The following HSP90AA1 variants were observed in gnomAD, a reference collection of about 807,000 sequenced individuals.
The protein encoded by HSP90AA1 is heat shock protein HSP 90-alpha.
HSP90AA1 carries 18 observed loss-of-function variants against 73.3 expected under a neutral mutation model. That is an observed-to-expected ratio of 0.25 (90% CI 0.17 to 0.36). The LOEUF is 0.36. Among genes scored for constraint, HSP90AA1 ranks in the 10% least tolerant of loss-of-function variants. The probability of loss-of-function intolerance (pLI) is 1.00; values close to 1 mark genes in which losing one functional copy is unlikely to be tolerated. For synonymous variants in HSP90AA1, 477 were observed against 296.9 expected (o/e 1.61, Z -6.24); for missense variants, 704 against 874.2 (o/e 0.81, Z 2.45).
chr14:102,120,272 T>C (rs1211436012), intron 1 of HSP90AA1, among the ~76,000 whole-genome samples: 1 of 152,026 alleles, frequency 6.6e-6, no homozygotes, highest in Non-Finnish European at 1.5e-5. Context: ...GGTGGGAGGA[T>C]CACTTGAGCT....
upstream of HSP90AA1, among the ~76,000 whole-genome samples, chr14:102,090,658 A>G (rs1041885304): frequency 2.7e-4 from 41 of 152,254 alleles, no homozygotes; most frequent in Middle Eastern, 3.4e-3. Context: ...TCACCGTGTT[A>G]GCCAGGATGG....
rs1383105807 is a variant in HSP90AA1 at position 102,080,778 on chromosome 14, T to TA, written c.*933dup. 4.6e-6 allele frequency: 1 copy of TA among 217,718 alleles called. No individual in the cohort carries two copies. Among genetic ancestry groups the TA allele is most frequent in the African/African-American group, 2.2e-5 (1 of 44,528 alleles). 13.5% of individuals were successfully genotyped at this position (217,718 alleles called of 1,614,324 possible). ...AAGTGACTGTATTTAACACAGAAGGTATTCCATGAATAACATCAAAACAAC... is the reference window on the plus strand; with the variant it reads ...AAGTGACTGTATTTAACACAGAAGGTAATTCCATGAATAACATCAAAACAAC... On this transcript the variant is annotated 3_prime_UTR_variant, in exon 11 of 11. Coordinates refer to ENST00000216281, the MANE Select transcript of HSP90AA1 (RefSeq NM_005348.4).
intron 1 of HSP90AA1, among the ~76,000 whole-genome samples, chr14:102,127,654 T>C (rs1277335193): frequency 1.3e-5 from 2 of 152,118 alleles, no homozygotes; most frequent in Non-Finnish European, 1.5e-5. Flanking sequence ...ATTATATATA[T>C]ACACATACAT....
In HSP90AA1 at chr14:102,081,586, C is replaced by T. The variant is rs2049099646; in HGVS notation, c.*126G>A. 7.2e-6 allele frequency: 5 copies of T among 694,740 alleles called. No homozygotes were observed. Among genetic ancestry groups the T allele is most frequent in the South Asian group, 3.1e-5 (2 of 64,650 alleles). The allele number at this position is 694,740 out of a possible 1,614,324, so 43.0% of individuals were successfully genotyped here. On this transcript the variant is annotated 3_prime_UTR_variant, in exon 11 of 11. Transcript: ENST00000216281. The stretch of plus-strand genomic sequence containing the variant: ...TAGTAGACAGAAATCTTATCTTCCC[C>T]TTAAAGTAGTTGTCATGCCATACAG...
intron 1 of HSP90AA1, among the ~76,000 whole-genome samples, chr14:102,112,421 G>C (rs952631752): frequency 6.6e-5 from 10 of 152,198 alleles, no homozygotes; most frequent in African/African-American, 2.4e-4. Flanking sequence ...TGATCTGCCT[G>C]TCTCAGCCTC....
At chr14:102,097,381 G>A (rs1490815618) in intron 2 of HSP90AA1, among the ~76,000 whole-genome samples, 2 of 151,902 alleles carry the variant, frequency 1.3e-5, no homozygotes, top group African/African-American at 4.8e-5. Context: ...GAGAGCCAGG[G>A]ATTGTGGATT....
chr14:102,098,954 A>G (rs2049459959), intron 2 of HSP90AA1, among the ~76,000 whole-genome samples: 1 of 152,238 alleles, frequency 6.6e-6, no homozygotes. Flanking sequence ...GTAGAAGTGG[A>G]TTATTAAGTA....
chr14:102,086,517 CTGACAA>C, intron 1 of HSP90AA1, 139 bp from the exon 2 acceptor site: 1 of 985,558 alleles, frequency 1.0e-6, no homozygotes. Flanking sequence ...AGAAGGGCGG[CTGACAA>C]AGGATGACCT....
At chr14:102,139,737 C>A, upstream of HSP90AA1, 2 of 876,266 alleles carry the variant, frequency 2.3e-6, no homozygotes, top group Non-Finnish European at 3.4e-6. Flanking sequence ...CAGGTGAGCA[C>A]GCCTGCGCAG....
chr14:102,109,522 C>A (rs1206445810), intron 1 of HSP90AA1, among the ~76,000 whole-genome samples: 3 of 152,190 alleles, frequency 2.0e-5, no homozygotes, highest in Non-Finnish European at 4.4e-5. Flanking sequence ...TGCTGCCATA[C>A]ATGTAAGACA....
At chr14:102,133,672 G>C (rs972331966) in intron 1 of HSP90AA1, among the ~76,000 whole-genome samples, 25 of 151,836 alleles carry the variant, frequency 1.6e-4, no homozygotes, top group African/African-American at 6.0e-4. Flanking sequence ...CAGTAGAGAC[G>C]GGGTTTCTCC....
At chr14:102,089,467 C>T (rs866561097), upstream of HSP90AA1, among the ~76,000 whole-genome samples, 46 of 152,296 alleles carry the variant, frequency 3.0e-4, no homozygotes, top group African/African-American at 9.4e-4. Flanking sequence ...CCACCAGGTG[C>T]GAACTCTGTA....
intron 2 of HSP90AA1, among the ~76,000 whole-genome samples, chr14:102,100,855 A>G (rs1250330811): frequency 6.6e-6 from 1 of 152,158 alleles, no homozygotes; most frequent in South Asian, 2.1e-4. Flanking sequence ...ATGTACTTCA[A>G]TTTCCTCATC....
chr14:102,084,359 T>C (rs759209040), intron 6 of HSP90AA1, 40 bp downstream of exon 6: 1 of 1,579,528 alleles, frequency 6.3e-7, no homozygotes, highest in Non-Finnish European at 8.7e-7. Context: ...AAGTACTTCT[T>C]TAATCAGTGA....
intron 1 of HSP90AA1, among the ~76,000 whole-genome samples, chr14:102,136,914 A>G (rs1430322483): frequency 1.4e-5 from 2 of 147,156 alleles, no homozygotes; most frequent in African/African-American, 5.0e-5. Flanking sequence ...ACAAAAAAAA[A>G]AGAAATACCT....
chr14:102,137,341 C>T (rs1203412323), intron 1 of HSP90AA1, among the ~76,000 whole-genome samples: 1 of 151,240 alleles, frequency 6.6e-6, no homozygotes, highest in Non-Finnish European at 1.5e-5. Flanking sequence ...TTATTTATTT[C>T]CTGAGATGGA....
chr14:102,085,369 A>C lies in HSP90AA1; in HGVS notation c.592T>G (p.Leu198Val). ...LHLKEDQTEY[L>V]EERRIKEIVK... ...ATCTCCTTTATTCTTCGTTCCTCCA[A>C]GTACTCAGTTTGGTCTTCTTTCAGG... The change falls in exon 4 of 11, where the codon TTG (leucine) becomes GTG (valine). Residue 198 changes from leucine to valine, a missense_variant. Coordinates refer to ENST00000216281, the MANE Select transcript of HSP90AA1 (RefSeq NM_005348.4). The C allele has an allele frequency of 6.2e-7, 1 of 1,613,112 alleles. No individual in the cohort carries two copies. Among genetic ancestry groups the C allele is most frequent in the South Asian group, 1.1e-5 (1 of 91,056 alleles).
At chr14:102,115,506 G>A (rs778312445) in intron 1 of HSP90AA1, among the ~76,000 whole-genome samples, 21 of 152,056 alleles carry the variant, frequency 1.4e-4, no homozygotes, top group Non-Finnish European at 1.9e-4. Context: ...TCTCTGTTGC[G>A]CTTGTAACAG....
At chr14:102,090,514 A>G (rs1267590205), upstream of HSP90AA1, among the ~76,000 whole-genome samples, 1 of 148,850 alleles carries the variant, frequency 6.7e-6, no homozygotes, top group Non-Finnish European at 1.5e-5. Flanking sequence ...CAGTGGTGCG[A>G]TCTTGGCTTG....
Sources: gnomAD v4.1 joint callset for allele counts (sites outside exome capture counted in the v4.1 genomes callset) on GRCh38, gnomAD v4.1.1 for gene constraint, MANE v1.5 for transcripts, NCBI Gene and HGNC (gene_info 2026-07-23, HGNC 2026-07-21) for gene names.